TBC1D32: variants seen among roughly 807,000 people sequenced by gnomAD.
TBC1D32 encodes TBC1 domain family member 32.
Under a neutral mutation model 170.3 loss-of-function variants are expected in TBC1D32, and 151 were observed. The ratio of observed to expected loss-of-function variants is 0.89; its 90% CI spans 0.78 to 1.01. The LOEUF (loss-of-function observed/expected upper bound fraction) is 1.01, where lower values mean the gene tolerates loss of function less well. Ranked by LOEUF, TBC1D32 falls within the 50% of genes least tolerant of loss-of-function variation. The probability of loss-of-function intolerance (pLI) is 0.00; values close to 1 mark genes in which losing one functional copy is unlikely to be tolerated. For synonymous variants in TBC1D32, 498 were observed against 488.0 expected (o/e 1.02, Z -0.27); for missense variants, 1,464 against 1,457.1 (o/e 1.00, Z -0.08).
intron 17 of TBC1D32, among the ~76,000 whole-genome samples, chr6:121,249,491 A>T (rs1798027804): frequency 6.6e-6 from 1 of 151,974 alleles, no homozygotes; most frequent in Admixed American, 6.6e-5. Flanking sequence ...AAAAGAAATA[A>T]AGGGCATCCA....
intron 1 of TBC1D32, 67 bp from the exon 2 acceptor site, chr6:121,321,861 A>C: frequency 7.3e-7 from 1 of 1,364,390 alleles, no homozygotes; most frequent in South Asian, 1.5e-5. Flanking sequence ...AAAAATCAAC[A>C]CAGAAAGGTA....
At chr6:121,139,070 T>A (rs1297075322) in intron 24 of TBC1D32, among the ~76,000 whole-genome samples, 1 of 152,062 alleles carries the variant, frequency 6.6e-6, no homozygotes, top group Non-Finnish European at 1.5e-5. Context: ...ATGGTCTCCA[T>A]CTCCTGACCT....
At chr6:121,099,528 A>C in intron 30 of TBC1D32, among the ~76,000 whole-genome samples, 1 of 151,926 alleles carries the variant, frequency 6.6e-6, no homozygotes, top group Non-Finnish European at 1.5e-5. Flanking sequence ...ATCCTTCACT[A>C]ATCAACCAAT....
chr6:121,175,570 T>A (rs1787651186), intron 22 of TBC1D32, among the ~76,000 whole-genome samples: 1 of 152,162 alleles, frequency 6.6e-6, no homozygotes, highest in South Asian at 2.1e-4. Context: ...ATGACATCAA[T>A]ATGTAACAGA....
At chr6:121,188,685 G>T (rs748507583) in intron 22 of TBC1D32, among the ~76,000 whole-genome samples, 1 of 152,122 alleles carries the variant, frequency 6.6e-6, no homozygotes, top group African/African-American at 2.4e-5. Flanking sequence ...GTGGAACTTG[G>T]GAGTACAGTA....
chr6:121,301,456 G>T (rs117595934), intron 9 of TBC1D32, among the ~76,000 whole-genome samples: 1 of 151,988 alleles, frequency 6.6e-6, no homozygotes, highest in African/African-American at 2.4e-5. Flanking sequence ...CAAACACAGC[G>T]TGTTCTCACT....
At chr6:121,247,173 T>C (rs7762977) in intron 17 of TBC1D32, among the ~76,000 whole-genome samples, 134,426 of 152,088 alleles carry the variant, frequency 0.88, 59,853 homozygotes, top group East Asian at 0.98. Flanking sequence ...TATTTATAGC[T>C]CCCTTAAGCA....
At chr6:121,191,249 C>A (rs1229224875) in intron 22 of TBC1D32, among the ~76,000 whole-genome samples, 1 of 152,174 alleles carries the variant, frequency 6.6e-6, no homozygotes, top group Non-Finnish European at 1.5e-5. Context: ...AAACACATTT[C>A]ATTCCCCTAA....
At chr6:121,240,937 C>T (rs997479382) in intron 19 of TBC1D32, among the ~76,000 whole-genome samples, 1 of 146,972 alleles carries the variant, frequency 6.8e-6, no homozygotes, top group Non-Finnish European at 1.5e-5. Context: ...TCTTACAAAT[C>T]AAATGGACAG....
At chr6:121,300,792 T>C (rs752257507) in intron 9 of TBC1D32, among the ~76,000 whole-genome samples, 18 of 152,184 alleles carry the variant, frequency 1.2e-4, no homozygotes, top group Non-Finnish European at 1.9e-4. Context: ...TCTATCCATC[T>C]GACAAAGGGC....
intron 22 of TBC1D32, chr6:121,170,502 G>C: frequency 6.2e-7 from 1 of 1,600,338 alleles, no homozygotes; most frequent in South Asian, 1.1e-5. Context: ...AGAGTGTCCA[G>C]ATCACAGCAT....
At chr6:121,280,468 A>T (rs966970928) in intron 14 of TBC1D32, among the ~76,000 whole-genome samples, 3 of 151,842 alleles carry the variant, frequency 2.0e-5, no homozygotes, top group African/African-American at 7.2e-5. Flanking sequence ...ACTGTCAAGA[A>T]TAAATAATTC....
chr6:121,101,898 T>C lies in TBC1D32; in HGVS notation c.3465+4125A>G, dbSNP rs572592297. Reference sequence around the variant, plus strand: ...AAGCAACTTCAGCAAAGTCTCAGGATACAAAATCATTGTACAAAAATCACA... The same window carrying C: ...AAGCAACTTCAGCAAAGTCTCAGGACACAAAATCATTGTACAAAAATCACA... On this transcript the variant is annotated intron_variant, in intron 30 of 31. Transcript: ENST00000398212. 3.3e-5 allele frequency among the ~76,000 whole-genome samples: 5 copies of C among 152,214 alleles called. No individual in the cohort carries two copies. In the South Asian group the frequency reaches 1.0e-3, roughly 32 times the overall value.
intron 30 of TBC1D32, among the ~76,000 whole-genome samples, chr6:121,104,188 A>T (rs1778450302): frequency 6.6e-6 from 1 of 151,822 alleles, no homozygotes. Context: ...TAAGTGGAAA[A>T]GATTCCCTAT....
rs1444232515 is a variant in TBC1D32 at position 121,205,063 on chromosome 6, G to A, written c.2570+12C>T. The stretch of plus-strand genomic sequence containing the variant: ...TAAAATATAATATCAAAAGTAAAAT[G>A]TAGCATTTTACCTTAGACCAAAGAT... On this transcript the variant is annotated intron_variant, in intron 22 of 31. Transcript: ENST00000398212. 7 of 1,423,508 alleles carry A rather than the reference G, an allele frequency of 4.9e-6. No individual in the cohort carries two copies. The South Asian group carries it at 7.8e-5, about 16-fold the overall frequency. 88.2% of individuals were successfully genotyped at this position (1,423,508 alleles called of 1,614,324 possible).
At chr6:121,218,670 T>C (rs137969066) in intron 21 of TBC1D32, among the ~76,000 whole-genome samples, 88 of 152,214 alleles carry the variant, frequency 5.8e-4, no homozygotes, top group Non-Finnish European at 1.1e-3. Flanking sequence ...TATAGATATA[T>C]ATATAGATAC....
In TBC1D32 at chr6:121,080,205, T is replaced by C. The variant is rs1188277881; in HGVS notation, c.*566A>G. ...TTAAATCATCTGAATAAAGGAGATG[T>C]AAGTTGGGACTTTTTTTTTTTTTTT... is the stretch of plus-strand genomic sequence containing the variant. On this transcript the variant is annotated 3_prime_UTR_variant, in exon 32 of 32. Coordinates refer to ENST00000398212, the MANE Select transcript of TBC1D32 (RefSeq NM_152730.6). 6.4e-6 allele frequency: 1 copy of C among 156,802 alleles called. No individual in the cohort carries two copies. The highest frequency in any genetic ancestry group is 1.9e-4 in the East Asian group (1 of 5,276). The allele number at this position is 156,802 out of a possible 1,614,324, so 9.7% of individuals were successfully genotyped here. A position where few individuals can be genotyped will look rare whatever the true frequency, so the allele number is the denominator to read the frequency against.
chr6:121,162,190 T>C (rs1253171187), intron 22 of TBC1D32, among the ~76,000 whole-genome samples: 1 of 152,224 alleles, frequency 6.6e-6, no homozygotes, highest in East Asian at 1.9e-4. Context: ...AGAAGCTTTT[T>C]AGTCTAATTA....
intron 17 of TBC1D32, among the ~76,000 whole-genome samples, chr6:121,249,610 C>T (rs1011221338): frequency 2.6e-5 from 4 of 151,996 alleles, no homozygotes; most frequent in African/African-American, 4.8e-5. Flanking sequence ...TAAATAAATT[C>T]ATTCAAGATT....
Sources: allele counts gnomAD v4.1 joint callset (sites outside exome capture counted in the v4.1 genomes callset), GRCh38; gene constraint gnomAD v4.1.1; transcripts MANE v1.5; gene names NCBI Gene and HGNC (gene_info 2026-07-23, HGNC 2026-07-21).